GULP1: variants seen among roughly 807,000 people sequenced by gnomAD.
GULP1 encodes the protein PTB domain-containing engulfment adapter protein 1.
Under a neutral mutation model 40.9 loss-of-function variants are expected in GULP1, and 19 were observed. That is an observed-to-expected ratio of 0.46 (90% CI 0.32 to 0.68). GULP1 has a LOEUF of 0.68. GULP1 is among the 30% of genes least tolerant of loss of function. The probability of loss-of-function intolerance (pLI) is 0.03; values close to 1 mark genes in which losing one functional copy is unlikely to be tolerated. For synonymous variants in GULP1, 119 were observed against 117.6 expected (o/e 1.01, Z -0.08); for missense variants, 312 against 362.2 (o/e 0.86, Z 1.12).
intron 1 of GULP1, among the ~76,000 whole-genome samples, chr2:188,344,493 T>C (rs1290322773): frequency 6.6e-6 from 1 of 152,260 alleles, no homozygotes; most frequent in African/African-American, 2.4e-5. Context: ...CAGAGCCGGT[T>C]AGATTTCAGC....
chr2:188,562,044 G>A (rs939531520), intron 7 of GULP1, among the ~76,000 whole-genome samples: 5 of 152,140 alleles, frequency 3.3e-5, no homozygotes, highest in South Asian at 2.1e-4. Flanking sequence ...CCTAGTCCCA[G>A]CAGCAACAGC....
chr2:188,351,459 C>A (rs1430949786), intron 1 of GULP1, among the ~76,000 whole-genome samples: 1 of 152,130 alleles, frequency 6.6e-6, no homozygotes, highest in Non-Finnish European at 1.5e-5. Context: ...GGCTTTAATA[C>A]GTCCCCCCAA....
At chr2:188,425,670 C>T (rs561267551) in intron 2 of GULP1, among the ~76,000 whole-genome samples, 58 of 152,258 alleles carry the variant, frequency 3.8e-4, no homozygotes, top group African/African-American at 1.3e-3. Flanking sequence ...TAGAGTATCA[C>T]TTTCATCCCA....
At chr2:188,489,277 A>G (rs992842618) in intron 4 of GULP1, among the ~76,000 whole-genome samples, 8 of 152,140 alleles carry the variant, frequency 5.3e-5, no homozygotes, top group African/African-American at 1.9e-4. Flanking sequence ...TTGAATTGCA[A>G]TTTCATGAGA....
chr2:188,537,937 T>C (rs984114254), intron 6 of GULP1, among the ~76,000 whole-genome samples: 2 of 152,130 alleles, frequency 1.3e-5, no homozygotes, highest in Non-Finnish European at 2.9e-5. Flanking sequence ...TCTATAAATT[T>C]ATCAATTTCC....
chr2:188,437,463 G>A (rs2057514606), intron 2 of GULP1, among the ~76,000 whole-genome samples: 1 of 152,028 alleles, frequency 6.6e-6, no homozygotes, highest in Admixed American at 6.6e-5. Context: ...AGTTACATCA[G>A]TGTAAAATAC....
intron 1 of GULP1, among the ~76,000 whole-genome samples, chr2:188,321,580 G>GT (rs1273632193): frequency 6.6e-6 from 1 of 151,914 alleles, no homozygotes; most frequent in Non-Finnish European, 1.5e-5. Flanking sequence ...TACTGGCACT[G>GT]TTTATCACTT....
chr2:188,337,023 C>G (rs187000455), intron 1 of GULP1, among the ~76,000 whole-genome samples: 18 of 152,232 alleles, frequency 1.2e-4, no homozygotes, highest in Non-Finnish European at 2.4e-4. Flanking sequence ...TTTAGAAAAT[C>G]TTTCCTTGTG....
At chr2:188,300,529 TGTACAA>T (rs1274577503) in intron 1 of GULP1, among the ~76,000 whole-genome samples, 4 of 152,284 alleles carry the variant, frequency 2.6e-5, no homozygotes, top group South Asian at 2.1e-4. Flanking sequence ...ATTTAGAATA[TGTACAA>T]GTACAACAAA....
chr2:188,554,892 T>C (rs1694364428), intron 7 of GULP1, among the ~76,000 whole-genome samples: 1 of 152,120 alleles, frequency 6.6e-6, no homozygotes, highest in South Asian at 2.1e-4. Context: ...TTTATCATTA[T>C]ATAATGACCT....
chr2:188,576,492 G>A (rs1459524819), intron 9 of GULP1, among the ~76,000 whole-genome samples: 1 of 152,038 alleles, frequency 6.6e-6, no homozygotes, highest in Non-Finnish European at 1.5e-5. Context: ...CATGATAAAT[G>A]GAGACCACTC....
chr2:188,580,847 T>G (rs1326947232), intron 9 of GULP1, among the ~76,000 whole-genome samples: 1 of 152,206 alleles, frequency 6.6e-6, no homozygotes. Flanking sequence ...CAGATTATTT[T>G]TGGCTGCCTG....
intron 9 of GULP1, among the ~76,000 whole-genome samples, chr2:188,581,580 T>C (rs138319348): frequency 6.6e-6 from 1 of 152,322 alleles, no homozygotes; most frequent in African/African-American, 2.4e-5. Flanking sequence ...AAATAGCCCC[T>C]AAAAGTCATG....
chr2:188,297,480 C>T (rs755359475), intron 1 of GULP1: 1 of 478,804 alleles, frequency 2.1e-6, no homozygotes, highest in Admixed American at 2.3e-5. Context: ...ACAGTTGATC[C>T]ATTTCTTGAA....
At chr2:188,384,791 T>G (rs12613370) in intron 2 of GULP1, among the ~76,000 whole-genome samples, 117,300 of 152,156 alleles carry the variant, frequency 0.77, 46,047 homozygotes, top group East Asian at 0.95. Context: ...CCCCACGCTG[T>G]TCCAAAATCC....
chr2:188,573,954 GTGACACTTT>G (rs1329705585), intron 9 of GULP1, among the ~76,000 whole-genome samples: 1 of 152,118 alleles, frequency 6.6e-6, no homozygotes, highest in Non-Finnish European at 1.5e-5. Flanking sequence ...TCACAGAAAG[GTGACACTTT>G]TGTCAAAAAT....
At chr2:188,366,400 G>A (rs889097873) in intron 1 of GULP1, among the ~76,000 whole-genome samples, 1 of 151,998 alleles carries the variant, frequency 6.6e-6, no homozygotes, top group African/African-American at 2.4e-5. Context: ...AAAAAAATAA[G>A]CTCCATGTCA....
chr2:188,572,651 T>TA (rs1699301203), intron 9 of GULP1, among the ~76,000 whole-genome samples: 1 of 152,336 alleles, frequency 6.6e-6, no homozygotes, highest in African/African-American at 2.4e-5. Flanking sequence ...TTTTAGCTCT[T>TA]AAAATCTTAT....
chr2:188,465,198 C>G (rs562229532), intron 2 of GULP1, among the ~76,000 whole-genome samples: 4 of 152,140 alleles, frequency 2.6e-5, no homozygotes, highest in African/African-American at 4.8e-5. Flanking sequence ...GGTTATTATT[C>G]TGGTTATTCT....
Sources: allele counts gnomAD v4.1 joint callset (sites outside exome capture counted in the v4.1 genomes callset), GRCh38; gene constraint gnomAD v4.1.1; transcripts MANE v1.5; gene names NCBI Gene and HGNC (gene_info 2026-07-23, HGNC 2026-07-21).